The following CNTNAP2 variants were observed in gnomAD, a reference collection of about 807,000 sequenced individuals.
CNTNAP2 encodes the protein contactin associated protein 2.
CNTNAP2 carries 98 observed loss-of-function variants against 155.2 expected under a neutral mutation model. That is an observed-to-expected ratio of 0.63 (90% CI 0.54 to 0.75). The LOEUF (loss-of-function observed/expected upper bound fraction) is 0.75. CNTNAP2 is among the 30% of genes least tolerant of loss of function. The pLI, the probability that CNTNAP2 is intolerant of heterozygous loss-of-function variation, is 0.00. For synonymous variants in CNTNAP2, 651 were observed against 631.2 expected, an observed-to-expected ratio of 1.03 and a Z score of -0.47; for missense variants, 1,727 against 1,688.1, an observed-to-expected ratio of 1.02 and a Z score of -0.40.
At chr7:147,408,157 G>T (rs1456865063) in intron 10 of CNTNAP2, among the ~76,000 whole-genome samples, 1 of 145,588 alleles carries the variant, frequency 6.9e-6, no homozygotes, top group Non-Finnish European at 1.6e-5. Flanking sequence ...GAAAGAGTTA[G>T]ACATCAGAAA....
intron 1 of CNTNAP2, among the ~76,000 whole-genome samples, chr7:146,671,676 C>T (rs1186925153): frequency 6.6e-6 from 1 of 152,060 alleles, no homozygotes; most frequent in Non-Finnish European, 1.5e-5. Context: ...ATACAGCCTT[C>T]AGGACAATGC....
chr7:148,020,057 G>A (rs1186546417), intron 15 of CNTNAP2, among the ~76,000 whole-genome samples: 1 of 152,116 alleles, frequency 6.6e-6, no homozygotes, highest in Non-Finnish European at 1.5e-5. Flanking sequence ...AAAGTGCTGG[G>A]ATTACAGACA....
intron 8 of CNTNAP2, among the ~76,000 whole-genome samples, chr7:147,141,663 G>A (rs1327475493): frequency 1.3e-5 from 2 of 151,914 alleles, no homozygotes; most frequent in African/African-American, 4.8e-5. Context: ...CACTAACCTT[G>A]GCCACTACCT....
intron 11 of CNTNAP2, among the ~76,000 whole-genome samples, chr7:147,515,268 T>G (rs1345349376): frequency 6.6e-6 from 1 of 152,060 alleles, no homozygotes; most frequent in Non-Finnish European, 1.5e-5. Context: ...ACCTCACTTC[T>G]GTTTTCCTTA....
intron 8 of CNTNAP2, among the ~76,000 whole-genome samples, chr7:147,201,186 T>A (rs1379730075): frequency 6.6e-6 from 1 of 152,242 alleles, no homozygotes; most frequent in Non-Finnish European, 1.5e-5. Flanking sequence ...GGAGGCCTAC[T>A]CTATATCTAA....
At chr7:147,250,962 T>C (rs1395621171) in intron 8 of CNTNAP2, among the ~76,000 whole-genome samples, 2 of 152,162 alleles carry the variant, frequency 1.3e-5, no homozygotes, top group Non-Finnish European at 2.9e-5. Context: ...TTCCTGTTTG[T>C]TTTATAGAGC....
At chr7:147,875,872 TA>T (rs1485303697) in intron 13 of CNTNAP2, among the ~76,000 whole-genome samples, 1 of 152,214 alleles carries the variant, frequency 6.6e-6, no homozygotes, top group Non-Finnish European at 1.5e-5. Context: ...CAGAAGCAGA[TA>T]AAAGTGGTAA....
At chr7:146,604,787 A>G (rs1164893789) in intron 1 of CNTNAP2, among the ~76,000 whole-genome samples, 2 of 144,754 alleles carry the variant, frequency 1.4e-5, no homozygotes, top group African/African-American at 5.0e-5. Context: ...ACATGGATGA[A>G]ATTGGAAATC....
At chr7:146,630,060 C>T (rs1327625533) in intron 1 of CNTNAP2, among the ~76,000 whole-genome samples, 2 of 151,776 alleles carry the variant, frequency 1.3e-5, no homozygotes, top group Non-Finnish European at 2.9e-5. Flanking sequence ...TGGTTTGCTG[C>T]ACCTATCAAC....
intron 1 of CNTNAP2, among the ~76,000 whole-genome samples, chr7:146,454,728 GAGAT>G (rs771835038): frequency 2.0e-5 from 3 of 151,808 alleles, no homozygotes; most frequent in Non-Finnish European, 2.9e-5. Flanking sequence ...CAAAATAAGA[GAGAT>G]AGATAGATAG....
At chr7:148,164,791 T>C (rs1409597182) in intron 17 of CNTNAP2, among the ~76,000 whole-genome samples, 1 of 148,016 alleles carries the variant, frequency 6.8e-6, no homozygotes, top group Non-Finnish European at 1.5e-5. Flanking sequence ...TGGCTAATTT[T>C]TGTATTTTTT....
At chr7:147,632,110 A>G (rs528201632) in intron 12 of CNTNAP2, among the ~76,000 whole-genome samples, 25 of 152,322 alleles carry the variant, frequency 1.6e-4, no homozygotes, top group African/African-American at 5.8e-4. Context: ...CGGAATCCAC[A>G]AGAAACTCAA....
intron 1 of CNTNAP2, among the ~76,000 whole-genome samples, chr7:146,461,114 C>G (rs1796629776): frequency 6.6e-6 from 1 of 151,818 alleles, no homozygotes. Flanking sequence ...TTAATAATAC[C>G]TTAATAAGGC....
chr7:147,311,548 G>A (rs913994406), intron 9 of CNTNAP2, among the ~76,000 whole-genome samples: 1 of 152,130 alleles, frequency 6.6e-6, no homozygotes, highest in African/African-American at 2.4e-5. Context: ...ACCCTATTTA[G>A]AGCAGCCAAC....
chr7:146,587,669 T>C (rs1358874750), intron 1 of CNTNAP2, among the ~76,000 whole-genome samples: 2 of 151,500 alleles, frequency 1.3e-5, no homozygotes, highest in African/African-American at 2.4e-5. Context: ...TGGTGATTAA[T>C]TTTCTTTTTC....
At chr7:146,466,524 G>A (rs1796719656) in intron 1 of CNTNAP2, among the ~76,000 whole-genome samples, 1 of 152,124 alleles carries the variant, frequency 6.6e-6, no homozygotes, top group Non-Finnish European at 1.5e-5. Flanking sequence ...CTACAGATTA[G>A]TGAGTACATT....
chr7:147,287,166 G>A (rs530939095), intron 8 of CNTNAP2, among the ~76,000 whole-genome samples: 1 of 152,216 alleles, frequency 6.6e-6, no homozygotes, highest in South Asian at 2.1e-4. Flanking sequence ...AGAATAGAGT[G>A]GGGTCAGTGG....
intron 1 of CNTNAP2, among the ~76,000 whole-genome samples, chr7:146,593,779 C>T (rs979985883): frequency 3.3e-5 from 5 of 152,162 alleles, no homozygotes; most frequent in African/African-American, 1.2e-4. Flanking sequence ...TTCTTCTTGA[C>T]CAAACTCCAA....
chr7:147,493,666 C>T (rs773288409), intron 11 of CNTNAP2, among the ~76,000 whole-genome samples: 53 of 152,206 alleles, frequency 3.5e-4, no homozygotes, highest in Admixed American at 2.8e-3. Context: ...TCTGGTTCAC[C>T]AGGATTGTGA....
Sources: allele counts gnomAD v4.1 joint callset (sites outside exome capture counted in the v4.1 genomes callset), GRCh38; gene constraint gnomAD v4.1.1; transcripts MANE v1.5; gene names NCBI Gene and HGNC (gene_info 2026-07-23, HGNC 2026-07-21).